The following MEIS2 variants were observed in gnomAD, a reference collection of about 807,000 sequenced individuals.
MEIS2 encodes Meis homeobox 2.
In MEIS2, 9 loss-of-function variants were observed where a neutral mutation model predicts 58.6. The ratio of observed to expected loss-of-function variants is 0.15; its 90% CI spans 0.09 to 0.27. The LOEUF (loss-of-function observed/expected upper bound fraction) is 0.27. Ranked by LOEUF, MEIS2 falls within the 10% of genes least tolerant of loss-of-function variation. MEIS2 has a pLI of 1.00. For synonymous variants in MEIS2, 221 were observed against 228.4 expected (o/e 0.97, Z 0.29); for missense variants, 427 against 635.0 (o/e 0.67, Z 3.52).
intron 8 of MEIS2, among the ~76,000 whole-genome samples, chr15:36,953,163 T>C (rs1028019785): frequency 6.6e-6 from 1 of 152,170 alleles, no homozygotes; most frequent in Non-Finnish European, 1.5e-5. Context: ...TTCAGAGGAA[T>C]TGGAACCATG....
At chr15:36,903,628 C>T (rs887393993) in intron 9 of MEIS2, among the ~76,000 whole-genome samples, 5 of 152,198 alleles carry the variant, frequency 3.3e-5, no homozygotes, top group Non-Finnish European at 7.3e-5. Flanking sequence ...TTCAAAACTA[C>T]TGATTTCTAA....
At chr15:36,935,774 T>C (rs1451662917) in intron 9 of MEIS2, among the ~76,000 whole-genome samples, 2 of 152,106 alleles carry the variant, frequency 1.3e-5, no homozygotes, top group Non-Finnish European at 2.9e-5. Flanking sequence ...GAAAATCATT[T>C]TCCCCCTCTG....
chr15:37,095,743 A>G, intron 3 of MEIS2, 129 bp from the exon 4 acceptor site: 1 of 1,326,198 alleles, frequency 7.5e-7, no homozygotes, highest in Non-Finnish European at 1.1e-6. Flanking sequence ...TACAAGAAAG[A>G]AACTGGTGCC....
At chr15:37,078,516 T>G (rs1212778572) in intron 7 of MEIS2, among the ~76,000 whole-genome samples, 1 of 60,378 alleles carries the variant, frequency 1.7e-5, no homozygotes, top group Non-Finnish European at 3.8e-5. Context: ...AATATCTATT[T>G]CACCAGAGTT....
intron 8 of MEIS2, among the ~76,000 whole-genome samples, chr15:37,008,082 A>G (rs1176661952): frequency 1.3e-5 from 2 of 152,328 alleles, no homozygotes; most frequent in Admixed American, 6.5e-5. Context: ...TAATGCTACC[A>G]TTATCCTGAA....
intron 9 of MEIS2, among the ~76,000 whole-genome samples, chr15:36,945,126 C>T (rs1272192729): frequency 6.6e-6 from 1 of 152,034 alleles, no homozygotes; most frequent in Admixed American, 6.6e-5. Flanking sequence ...CTAGCACTTA[C>T]CCTGCCTCCT....
At chr15:37,058,927 A>C (rs1888814593) in intron 7 of MEIS2, among the ~76,000 whole-genome samples, 1 of 118,916 alleles carries the variant, frequency 8.4e-6, no homozygotes, top group Non-Finnish European at 1.9e-5. Flanking sequence ...TTGAATAAAT[A>C]CAAAATTACA....
chr15:37,018,716 T>C (rs1595936448), intron 8 of MEIS2, among the ~76,000 whole-genome samples: 1 of 152,174 alleles, frequency 6.6e-6, no homozygotes, highest in Admixed American at 6.6e-5. Context: ...AATTCCCTTA[T>C]AATGTACCAG....
chr15:37,098,421 A>AGAGG (rs1555474175), intron 1 of MEIS2: 333 of 1,200,810 alleles, frequency 2.8e-4, no homozygotes, highest in South Asian at 9.5e-4. Flanking sequence ...AGAGAGAGAG[A>AGAGG]GAGAAAATAA....
At chr15:36,923,593 T>C (rs2057611655) in intron 9 of MEIS2, among the ~76,000 whole-genome samples, 2 of 152,202 alleles carry the variant, frequency 1.3e-5, no homozygotes, top group Non-Finnish European at 1.5e-5. Flanking sequence ...CAGAAACTGG[T>C]AGATCACCAC....
At chr15:36,979,130 A>G (rs1449548656) in intron 8 of MEIS2, among the ~76,000 whole-genome samples, 1 of 152,178 alleles carries the variant, frequency 6.6e-6, no homozygotes, top group Admixed American at 6.5e-5. Context: ...GAAAAATTCC[A>G]CAGCTGACCT....
At chr15:37,053,608 T>A (rs2063016859) in intron 7 of MEIS2, among the ~76,000 whole-genome samples, 1 of 152,174 alleles carries the variant, frequency 6.6e-6, no homozygotes. Context: ...TTCCCAAAAC[T>A]GCTGTATTAT....
chr15:37,089,750 TAG>T (rs531317370), intron 6 of MEIS2, among the ~76,000 whole-genome samples: 54 of 152,194 alleles, frequency 3.5e-4, no homozygotes, highest in Middle Eastern at 3.4e-3. Context: ...TTCAAGAAAA[TAG>T]AGCTTAGCTC....
intron 8 of MEIS2, among the ~76,000 whole-genome samples, chr15:37,008,933 C>T (rs2061020931): frequency 2.0e-5 from 3 of 152,150 alleles, no homozygotes; most frequent in Admixed American, 2.0e-4. Flanking sequence ...TAAATTATCA[C>T]TTTTTTCCAT....
intron 8 of MEIS2, among the ~76,000 whole-genome samples, chr15:36,953,013 T>C (rs1172392645): frequency 6.6e-6 from 1 of 152,136 alleles, no homozygotes. Flanking sequence ...CTTTAACTTA[T>C]TTAAATAATG....
At chr15:37,034,801 T>C (rs1255336164) in intron 8 of MEIS2, among the ~76,000 whole-genome samples, 2 of 152,186 alleles carry the variant, frequency 1.3e-5, no homozygotes, top group Admixed American at 1.3e-4. Context: ...GAGATTTCTA[T>C]GCAACTGTTA....
intron 8 of MEIS2, among the ~76,000 whole-genome samples, chr15:36,957,618 C>A (rs1427899052): frequency 6.6e-6 from 1 of 152,214 alleles, no homozygotes; most frequent in East Asian, 1.9e-4. Flanking sequence ...TTATTCACTT[C>A]ATATTGTCTT....
At chr15:37,090,632 C>G (rs1196258750) in intron 6 of MEIS2, among the ~76,000 whole-genome samples, 1 of 152,016 alleles carries the variant, frequency 6.6e-6, no homozygotes, top group African/African-American at 2.4e-5. Context: ...CTGCTTTTCT[C>G]TCTCTCCTTG....
chr15:36,976,272 G>T (rs2059751840), intron 8 of MEIS2, among the ~76,000 whole-genome samples: 1 of 151,820 alleles, frequency 6.6e-6, no homozygotes, highest in Non-Finnish European at 1.5e-5. Flanking sequence ...TTTTAGTAGA[G>T]ACGGGGTTTC....
Sources: gnomAD v4.1 joint callset for allele counts (sites outside exome capture counted in the v4.1 genomes callset) on GRCh38, gnomAD v4.1.1 for gene constraint, MANE v1.5 for transcripts, NCBI Gene and HGNC (gene_info 2026-07-23, HGNC 2026-07-21) for gene names.